The following KHDRBS2 variants were observed in gnomAD, a reference collection of about 807,000 sequenced individuals.
KHDRBS2 encodes KH RNA binding domain containing, signal transduction associated 2.
In KHDRBS2, 26 loss-of-function variants were observed where a neutral mutation model predicts 44.3. That is an observed-to-expected ratio of 0.59 (90% CI 0.43 to 0.81). The LOEUF is 0.81. Among genes scored for constraint, KHDRBS2 ranks in the 40% least tolerant of loss-of-function variants. KHDRBS2 has a pLI of 0.00. For synonymous variants in KHDRBS2, 194 were observed against 151.1 expected (o/e 1.28, Z -2.08); for missense variants, 476 against 433.1 (o/e 1.10, Z -0.88).
At chr6:62,080,705 C>T (rs1461140591) in intron 2 of KHDRBS2, among the ~76,000 whole-genome samples, 1 of 152,136 alleles carries the variant, frequency 6.6e-6, no homozygotes, top group East Asian at 1.9e-4. Flanking sequence ...GTGTCCTGAG[C>T]TTCTCTGTGA....
chr6:62,236,168 C>T (rs1019912837), intron 1 of KHDRBS2, among the ~76,000 whole-genome samples: 22 of 151,968 alleles, frequency 1.4e-4, no homozygotes, highest in Non-Finnish European at 8.8e-5. Flanking sequence ...TTATAAACTG[C>T]TTATTATTTA....
intron 2 of KHDRBS2, among the ~76,000 whole-genome samples, chr6:62,100,634 C>T (rs1260149868): frequency 6.6e-6 from 1 of 152,186 alleles, no homozygotes; most frequent in Admixed American, 6.5e-5. Context: ...AGACCCTAAC[C>T]AGCAAAAAGA....
At chr6:61,978,779 C>A (rs1371776600) in intron 3 of KHDRBS2, among the ~76,000 whole-genome samples, 1 of 152,000 alleles carries the variant, frequency 6.6e-6, no homozygotes, top group Non-Finnish European at 1.5e-5. Context: ...TCGCTTGCTG[C>A]CTTTATTTAT....
the KHDRBS2 span, among the ~76,000 whole-genome samples, chr6:61,648,917 A>C: frequency 6.6e-6 from 1 of 152,124 alleles, no homozygotes; most frequent in Non-Finnish European, 1.5e-5. Flanking sequence ...TCTCTATGCT[A>C]AGTATTTCCA....
the KHDRBS2 span, among the ~76,000 whole-genome samples, chr6:61,623,047 G>C: frequency 6.6e-6 from 1 of 151,950 alleles, no homozygotes; most frequent in Non-Finnish European, 1.5e-5. Flanking sequence ...GAAATTATGG[G>C]GATGCTTATG....
chr6:62,083,550 C>T (rs1797825731), intron 2 of KHDRBS2, among the ~76,000 whole-genome samples: 2 of 152,116 alleles, frequency 1.3e-5, no homozygotes, highest in African/African-American at 2.4e-5. Flanking sequence ...GTAACACATG[C>T]CCTCTGGGGT....
chr6:61,706,883 A>G (rs1582277552), intron 7 of KHDRBS2, among the ~76,000 whole-genome samples: 2 of 151,884 alleles, frequency 1.3e-5, no homozygotes, highest in South Asian at 4.1e-4. Flanking sequence ...AAATAGGCAA[A>G]GATTATTTGC....
At chr6:62,078,735 A>G (rs1796821576) in intron 2 of KHDRBS2, among the ~76,000 whole-genome samples, 1 of 152,066 alleles carries the variant, frequency 6.6e-6, no homozygotes, top group South Asian at 2.1e-4. Context: ...GAAGAAAATT[A>G]TACCACAGAA....
chr6:62,190,427 C>G (rs1356935835), intron 1 of KHDRBS2, among the ~76,000 whole-genome samples: 1 of 152,038 alleles, frequency 6.6e-6, no homozygotes, highest in Admixed American at 6.6e-5. Flanking sequence ...TTTCTAAATT[C>G]TTGAGACCAT....
intron 4 of KHDRBS2, among the ~76,000 whole-genome samples, chr6:61,928,993 C>T (rs1386462421): frequency 6.6e-6 from 1 of 152,082 alleles, no homozygotes; most frequent in African/African-American, 2.4e-5. Flanking sequence ...ATACTTATCA[C>T]ACAATATCAT....
At chr6:61,645,458 G>A in the KHDRBS2 span, among the ~76,000 whole-genome samples, 3 of 146,946 alleles carry the variant, frequency 2.0e-5, no homozygotes, top group African/African-American at 7.6e-5. Flanking sequence ...ATGTACACTT[G>A]AACCTAAAAA....
intron 3 of KHDRBS2, among the ~76,000 whole-genome samples, chr6:62,018,413 C>A (rs1781636611): frequency 6.6e-6 from 1 of 151,724 alleles, no homozygotes; most frequent in Admixed American, 6.6e-5. Context: ...AGTGTAGTGG[C>A]ACGAACTCAC....
At chr6:61,772,207 A>G (rs568286537) in intron 6 of KHDRBS2, among the ~76,000 whole-genome samples, 30 of 152,326 alleles carry the variant, frequency 2.0e-4, no homozygotes, top group Admixed American at 9.2e-4. Context: ...AATGTCCACA[A>G]GAGAAAGCAG....
intron 2 of KHDRBS2, among the ~76,000 whole-genome samples, chr6:62,145,905 A>G (rs1319701282): frequency 2.0e-5 from 3 of 151,970 alleles, no homozygotes; most frequent in African/African-American, 7.2e-5. Flanking sequence ...TGTAAGGTAT[A>G]TATGAAACAT....
chr6:62,026,830 G>A (rs1783432949), intron 3 of KHDRBS2, among the ~76,000 whole-genome samples: 1 of 152,054 alleles, frequency 6.6e-6, no homozygotes, highest in South Asian at 2.1e-4. Flanking sequence ...CCATTGGTGA[G>A]GTAGCCCGAT....
At chr6:62,159,270 C>T (rs758962022) in intron 2 of KHDRBS2, among the ~76,000 whole-genome samples, 4 of 151,960 alleles carry the variant, frequency 2.6e-5, no homozygotes, top group African/African-American at 4.8e-5. Flanking sequence ...GCAAAGTAAC[C>T]GATTAGCTAG....
At chr6:61,690,819 G>T (rs1767322719) in intron 8 of KHDRBS2, among the ~76,000 whole-genome samples, 1 of 151,974 alleles carries the variant, frequency 6.6e-6, no homozygotes, top group African/African-American at 2.4e-5. Flanking sequence ...AGCAGATACT[G>T]ATAGGAAAAA....
intron 2 of KHDRBS2, among the ~76,000 whole-genome samples, chr6:62,134,198 G>A (rs558906046): frequency 9.2e-5 from 14 of 152,266 alleles, no homozygotes; most frequent in African/African-American, 1.7e-4. Context: ...GCCCAGGGAC[G>A]TCTTGCTGTG....
chr6:61,946,585 A>G (rs1813413956), intron 4 of KHDRBS2, among the ~76,000 whole-genome samples: 1 of 152,204 alleles, frequency 6.6e-6, no homozygotes, highest in South Asian at 2.1e-4. Context: ...ACTCATATGA[A>G]CATATTTTAA....
Sources: gnomAD v4.1 joint callset for allele counts (sites outside exome capture counted in the v4.1 genomes callset) on GRCh38, gnomAD v4.1.1 for gene constraint, MANE v1.5 for transcripts, NCBI Gene and HGNC (gene_info 2026-07-23, HGNC 2026-07-21) for gene names.